Variants in OCIAD2 observed in about 807,000 individuals in gnomAD.
OCIAD2 encodes OCIA domain containing 2, also known as OCIA domain-containing protein 2.
Under a neutral mutation model 22.9 loss-of-function variants are expected in OCIAD2, and 29 were observed. The observed-to-expected ratio is 1.27, with a 90% CI of 0.94 to 1.73. The LOEUF (loss-of-function observed/expected upper bound fraction) is 1.73, where lower values mean the gene tolerates loss of function less well. Among genes scored for constraint, OCIAD2 ranks in the 40% most tolerant of loss-of-function variants. OCIAD2 has a pLI of 0.00. For missense variants in OCIAD2, 189 were observed against 180.3 expected (o/e 1.05, Z -0.28); for synonymous variants, 67 against 60.2 (o/e 1.11, Z -0.52).
chr4:48,890,160 A>G (rs760855595), intron 6 of OCIAD2, among the ~76,000 whole-genome samples: 2 of 151,976 alleles, frequency 1.3e-5, no homozygotes, highest in Non-Finnish European at 2.9e-5. Context: ...AATGTAAATG[A>G]TGAGTTAATG....
chr4:48,890,732 G>A (rs1249866760), intron 6 of OCIAD2, among the ~76,000 whole-genome samples: 3 of 152,150 alleles, frequency 2.0e-5, no homozygotes, highest in Non-Finnish European at 4.4e-5. Context: ...ACTGCTATGA[G>A]GAGTTGGCAA....
rs1395774518 is a variant in OCIAD2 at position 48,885,454 on chromosome 4, A to C, written c.*30T>G. On this transcript the variant is annotated 3_prime_UTR_variant, in exon 7 of 7. Coordinates refer to ENST00000508632, the MANE Select transcript of OCIAD2 (RefSeq NM_001014446.3). ...TAAATGTGTACAAATTCAGAGGTTTAAAAAACTTCGAAAGTCACAGACACA... is the reference window on the plus strand; with the variant it reads ...TAAATGTGTACAAATTCAGAGGTTTCAAAAACTTCGAAAGTCACAGACACA... The C allele has an allele frequency of 2.3e-6, 3 of 1,323,566 alleles. No homozygotes were observed. Among genetic ancestry groups the C allele is most frequent in the Admixed American group, 1.8e-5 (1 of 56,980 alleles). 82.0% of individuals were successfully genotyped at this position (1,323,566 alleles called of 1,614,324 possible).
At chr4:48,900,157 CGCAGGCAGCAGATTT>C (rs372718209) in intron 2 of OCIAD2, among the ~76,000 whole-genome samples, 5 of 152,016 alleles carry the variant, frequency 3.3e-5, no homozygotes, top group South Asian at 2.1e-4. Context: ...CACTGACTGG[CGCAGGCAGCAGATTT>C]GCAGGCAGCA....
chr4:48,906,501 C>A (rs1240453583), intron 1 of OCIAD2, among the ~76,000 whole-genome samples, 157 bp downstream of exon 1: 1 of 152,226 alleles, frequency 6.6e-6, no homozygotes, highest in Non-Finnish European at 1.5e-5. Flanking sequence ...AGCTCCCCAG[C>A]CCCTCGCCCG....
intron 3 of OCIAD2, among the ~76,000 whole-genome samples, chr4:48,899,344 A>G (rs2109680130): frequency 6.6e-6 from 1 of 152,328 alleles, no homozygotes; most frequent in African/African-American, 2.4e-5. Context: ...ATGTTATTTC[A>G]GAGACAGTGT....
Position 48,897,833 on chromosome 4 carries a change from A to T in OCIAD2, c.188T>A (p.Met63Lys). 6.2e-7 allele frequency: 1 copy of T among 1,613,034 alleles called. No homozygotes were observed. Among genetic ancestry groups the T allele is most frequent in the Non-Finnish European group, 8.5e-7 (1 of 1,179,066 alleles). ...KRALPFSLVSMLVTQGLVYQG... is the reference protein window; with the variant it reads ...KRALPFSLVSKLVTQGLVYQG... ...GTAGACTAGTCCCTGGGTGACAAGC[A>T]TGCTTACAAGAGAAAAAGGCAGAGC... The change falls in exon 4 of 7, where the codon ATG becomes AAG. Residue 63 changes from methionine to lysine, a missense_variant. Physicochemically the swap from Met to Lys is moderately conservative, Grantham distance 95. Transcript: ENST00000508632.
At chr4:48,906,345 C>T (rs1781525819) in intron 1 of OCIAD2, among the ~76,000 whole-genome samples, 1 of 152,116 alleles carries the variant, frequency 6.6e-6, no homozygotes, top group Non-Finnish European at 1.5e-5. Flanking sequence ...GGCGGGGGTG[C>T]TTCTTAGGAT....
At position 48,888,797 on chromosome 4, in the gene OCIAD2, CT is replaced by C. The variant is rs60325440; in HGVS notation, c.384-3233del. On this transcript the variant is annotated intron_variant, in intron 6 of 6. Coordinates refer to ENST00000508632, the MANE Select transcript of OCIAD2 (RefSeq NM_001014446.3). ...ATCAGGGATATTGGTCTAAAATTCT[CT>C]TTTTTTTGTTGTGTCTGTGCCAGGC... is the stretch of plus-strand genomic sequence containing the variant. 3.1e-3 allele frequency among the ~76,000 whole-genome samples: 476 copies of C among 151,950 alleles called. 1 individual carries two copies. The highest frequency in any genetic ancestry group is 0.011 in the African/African-American group (446 of 41,454).
chr4:48,885,817 A>T (rs1780970142), intron 6 of OCIAD2, among the ~76,000 whole-genome samples: 1 of 152,192 alleles, frequency 6.6e-6, no homozygotes, highest in Non-Finnish European at 1.5e-5. Context: ...AGTCTATGCT[A>T]AAGTTCACTA....
chr4:48,885,878 C>G (rs1440635880), intron 6 of OCIAD2, among the ~76,000 whole-genome samples: 1 of 152,108 alleles, frequency 6.6e-6, no homozygotes, highest in African/African-American at 2.4e-5. Flanking sequence ...TGTAGGTTGC[C>G]TGTTCACTCT....
intron 4 of OCIAD2, among the ~76,000 whole-genome samples, chr4:48,894,571 CA>C (rs1781260425): frequency 6.6e-6 from 1 of 152,070 alleles, no homozygotes; most frequent in African/African-American, 2.4e-5. Flanking sequence ...AGGCAAATTA[CA>C]AATATTAGCT....
chr4:48,901,773 C>G (rs1273186453), intron 2 of OCIAD2, among the ~76,000 whole-genome samples: 2 of 152,066 alleles, frequency 1.3e-5, no homozygotes. Context: ...GACAGGGTCT[C>G]GCTCTGTCAC....
At chr4:48,900,622 T>C (rs1187731549) in intron 2 of OCIAD2, among the ~76,000 whole-genome samples, 1 of 142,098 alleles carries the variant, frequency 7.0e-6, no homozygotes, top group African/African-American at 2.6e-5. Context: ...TGTGGGTACA[T>C]AGTAGGTTCT....
Position 48,904,858 on chromosome 4 carries a change from A to G in OCIAD2, c.-62-247T>C, listed in dbSNP as rs1781493786. Among the ~76,000 whole-genome samples the G allele has an allele frequency of 1.3e-5, 2 of 152,190 alleles. 1 individual carries two copies. The highest frequency in any genetic ancestry group is 1.3e-4 in the Admixed American group (2 of 15,288). On this transcript the variant is annotated intron_variant, in intron 1 of 6. Coordinates refer to ENST00000508632, the MANE Select transcript of OCIAD2 (RefSeq NM_001014446.3). The stretch of plus-strand genomic sequence containing the variant: ...GTGCACTGAGTGTCGATTATGTGCC[A>G]GGCCAGGGGATATGAAGAAGGATAA...
At chr4:48,890,723 C>T (rs1781146210) in intron 6 of OCIAD2, among the ~76,000 whole-genome samples, 1 of 152,156 alleles carries the variant, frequency 6.6e-6, no homozygotes, top group Non-Finnish European at 1.5e-5. Flanking sequence ...CAAACATTTA[C>T]TGCTATGAGG....
intron 2 of OCIAD2, among the ~76,000 whole-genome samples, chr4:48,903,813 T>G (rs1781469112): frequency 6.6e-6 from 1 of 151,754 alleles, no homozygotes; most frequent in South Asian, 2.1e-4. Context: ...GCCCGGCTAT[T>G]TTTTTGTATT....
chr4:48,902,069 A>C (rs145716682), intron 2 of OCIAD2, among the ~76,000 whole-genome samples: 1 of 151,880 alleles, frequency 6.6e-6, no homozygotes, highest in Non-Finnish European at 1.5e-5. Context: ...GCCTAGCCCC[A>C]TTAAGTTTTT....
intron 6 of OCIAD2, among the ~76,000 whole-genome samples, chr4:48,886,452 T>A (rs1027800612): frequency 6.6e-6 from 1 of 152,044 alleles, no homozygotes; most frequent in African/African-American, 2.4e-5. Flanking sequence ...TAACTCATCA[T>A]TTACATTAGG....
chr4:48,899,806 A>G (rs751464994), intron 3 of OCIAD2, 23 bp downstream of exon 3: 1 of 1,552,406 alleles, frequency 6.4e-7, no homozygotes, highest in Non-Finnish European at 8.9e-7. Flanking sequence ...TACTGCCACA[A>G]ATACAGTGTT....
Sources: allele counts gnomAD v4.1 joint callset (sites outside exome capture counted in the v4.1 genomes callset), GRCh38; gene constraint gnomAD v4.1.1; transcripts MANE v1.5; gene names NCBI Gene and HGNC (gene_info 2026-07-23, HGNC 2026-07-21).